NOPCHAP1: variants seen among roughly 807,000 people sequenced by gnomAD.
NOPCHAP1 encodes the protein DNA damage-sensitive RNA 1.
Under a neutral mutation model 14.0 loss-of-function variants are expected in NOPCHAP1, and 13 were observed. That is an observed-to-expected ratio of 0.93 (90% CI 0.60 to 1.47). The LOEUF is 1.47. Ranked by LOEUF, NOPCHAP1 falls within the 40% of genes most tolerant of loss-of-function variation. NOPCHAP1 has a pLI of 0.00. For synonymous variants in NOPCHAP1, 78 were observed against 78.4 expected (o/e 1.00, Z 0.03); for missense variants, 230 against 226.9 (o/e 1.01, Z -0.09).
rs1414224884 is a variant in NOPCHAP1 at position 105,001,382 on chromosome 12, AC to A, written c.*6688del. 6.6e-6 allele frequency: 1 copy of A among 152,224 alleles called. No individual in the cohort carries two copies. The highest frequency in any genetic ancestry group is 1.5e-5 in the Non-Finnish European group (1 of 68,024). The allele number at this position is 152,224 out of a possible 1,614,324, so 9.4% of individuals were successfully genotyped here. ...ATGGTCCAGGAGGCAGTAGAAATGTACCACCTAAAATTTGGATTATCTTTCC... is the reference window on the plus strand; with the variant it reads ...ATGGTCCAGGAGGCAGTAGAAATGTACACCTAAAATTTGGATTATCTTTCC... On this transcript the variant is annotated 3_prime_UTR_variant, in exon 4 of 4. Coordinates refer to ENST00000552951, the MANE Select transcript of NOPCHAP1 (RefSeq NM_152318.3).
intron 3 of NOPCHAP1, among the ~76,000 whole-genome samples, chr12:104,992,652 G>T: frequency 6.6e-6 from 1 of 152,154 alleles, no homozygotes; most frequent in South Asian, 2.1e-4. Context: ...GAAGCAGGTC[G>T]CACAGCAGGA....
rs1873856111 is a variant in NOPCHAP1 at position 105,012,679 on chromosome 12, A to G, written c.*17983A>G. On this transcript the variant is annotated 3_prime_UTR_variant, in exon 4 of 4. Coordinates refer to ENST00000552951, the MANE Select transcript of NOPCHAP1 (RefSeq NM_152318.3). Reference sequence around the variant, plus strand: ...ACCTTTGGGTGGGGTTTCTGTGTGGACGTCCTTTTTGTTGATGTAGATGCT... The same window carrying G: ...ACCTTTGGGTGGGGTTTCTGTGTGGGCGTCCTTTTTGTTGATGTAGATGCT... The G allele has an allele frequency of 6.6e-6, 1 of 151,882 alleles. No individual in the cohort carries two copies. The highest frequency in any genetic ancestry group is 1.5e-5 in the Non-Finnish European group (1 of 68,000). 9.4% of individuals were successfully genotyped at this position (151,882 alleles called of 1,614,324 possible). A position where few individuals can be genotyped will look rare whatever the true frequency, so the allele number is the denominator to read the frequency against.
rs1348541931 is a variant in NOPCHAP1 at position 105,011,494 on chromosome 12, A to T, written c.*16798A>T. ...TTTAATTGGGGCATTTAGTCCATTTACATTTAAGGTTAATATTGTTATGTG... is the reference window on the plus strand; with the variant it reads ...TTTAATTGGGGCATTTAGTCCATTTTCATTTAAGGTTAATATTGTTATGTG... On this transcript the variant is annotated 3_prime_UTR_variant, in exon 4 of 4. Transcript: ENST00000552951. The T allele has an allele frequency of 6.6e-6, 1 of 152,168 alleles. No individual in the cohort carries two copies. The highest frequency in any genetic ancestry group is 1.5e-5 in the Non-Finnish European group (1 of 68,020). 9.4% of individuals were successfully genotyped at this position (152,168 alleles called of 1,614,324 possible).
intron 3 of NOPCHAP1, 97 bp from the exon 4 acceptor site, chr12:104,994,381 A>G (rs1592748838): frequency 1.2e-5 from 14 of 1,125,858 alleles, no homozygotes; most frequent in Middle Eastern, 2.0e-4. Context: ...TTATGTTTCA[A>G]TATGTTTGCT....
rs984247829 is a variant in NOPCHAP1 at position 105,010,668 on chromosome 12, A to G, written c.*15972A>G. 3 of 152,078 alleles carry G rather than the reference A, an allele frequency of 2.0e-5. No individual in the cohort carries two copies. Among genetic ancestry groups the G allele is most frequent in the Non-Finnish European group, 4.4e-5 (3 of 68,022 alleles). 9.4% of individuals were successfully genotyped at this position (152,078 alleles called of 1,614,324 possible). A position where few individuals can be genotyped will look rare whatever the true frequency, so the allele number is the denominator to read the frequency against. ...TTAGCTGTGTCCCAGAGATTCTGGT[A>G]TGTTGTGTCTTTGTTCTCATTGGTT... On this transcript the variant is annotated 3_prime_UTR_variant, in exon 4 of 4. Coordinates refer to ENST00000552951, the MANE Select transcript of NOPCHAP1 (RefSeq NM_152318.3).
intron 2 of NOPCHAP1, among the ~76,000 whole-genome samples, chr12:104,989,750 A>G (rs149105277): frequency 6.6e-6 from 1 of 152,190 alleles, no homozygotes; most frequent in East Asian, 1.9e-4. Flanking sequence ...AATGACACCT[A>G]ATTTTGCCAG....
Position 105,012,191 on chromosome 12 carries a change from A to G in NOPCHAP1, c.*17495A>G. ...TTTCTTGGACGCTTTGTTCCTTTTC[A>G]TTCTTTTTTCTCTAATCTGTCTTCA... On this transcript the variant is annotated 3_prime_UTR_variant, in exon 4 of 4. Coordinates refer to ENST00000552951, the MANE Select transcript of NOPCHAP1 (RefSeq NM_152318.3). The G allele has an allele frequency of 6.6e-6, 1 of 151,810 alleles. No individual in the cohort carries two copies. The highest frequency in any genetic ancestry group is 1.9e-4 in the East Asian group (1 of 5,168). The allele number at this position is 151,810 out of a possible 1,614,324, so 9.4% of individuals were successfully genotyped here. A position where few individuals can be genotyped will look rare whatever the true frequency, so the allele number is the denominator to read the frequency against.
rs1039966874 is a variant in NOPCHAP1 at position 104,995,548 on chromosome 12, G to C, written c.*852G>C. On this transcript the variant is annotated 3_prime_UTR_variant, in exon 4 of 4. Transcript: ENST00000552951. ...TCAGAGGGTGGCTCCTACCCCAGGAGGTCTGGTTGGTCATAAAATAAGATT... is the reference window on the plus strand; with the variant it reads ...TCAGAGGGTGGCTCCTACCCCAGGACGTCTGGTTGGTCATAAAATAAGATT... The C allele has an allele frequency of 6.6e-6, 1 of 152,210 alleles. No homozygotes were observed. Among genetic ancestry groups the C allele is most frequent in the South Asian group, 2.1e-4 (1 of 4,816 alleles). 9.4% of individuals were successfully genotyped at this position (152,210 alleles called of 1,614,324 possible). A position where few individuals can be genotyped will look rare whatever the true frequency, so the allele number is the denominator to read the frequency against.
chr12:104,990,365 A>G (rs1026462354), intron 2 of NOPCHAP1, among the ~76,000 whole-genome samples: 1 of 152,336 alleles, frequency 6.6e-6, no homozygotes, highest in African/African-American at 2.4e-5. Flanking sequence ...CTGTAGCAAT[A>G]TATTTAAATC....
intron 2 of NOPCHAP1, among the ~76,000 whole-genome samples, chr12:104,990,162 G>C (rs1227357104): frequency 6.6e-6 from 1 of 152,006 alleles, no homozygotes; most frequent in African/African-American, 2.4e-5. Flanking sequence ...GAATATTATG[G>C]TGTTGTGTGT....
At position 104,991,725 on chromosome 12, in the gene NOPCHAP1, A is replaced by T. The variant is rs369843659; in HGVS notation, c.216A>T (p.Val72=). The T allele has an allele frequency of 5.7e-5, 92 of 1,612,754 alleles. 1 individual carries two copies. In the African/African-American group the frequency reaches 1.2e-3, roughly 20 times the overall value. Residue 72 remains valine (V), a synonymous_variant, in exon 3 of 4, where the codon GTA becomes GTT. Transcript: ENST00000552951. ...TACTTTCCACAGTATTGGACCAGGT[A>T]CAGACATTTCTCCCACAGATGGCAC... ...RIERSPLLDQ[V]QTFLPQMARA... is the part of the protein sequence containing the mutation.
chr12:105,001,937 T>G lies in NOPCHAP1; in HGVS notation c.*7241T>G, dbSNP rs957017578. ...GAGTTGCTGTTTATCCATGTTTATTTAAAGGTATTATGGGGAGCAGTTTTC... is the reference window on the plus strand; with the variant it reads ...GAGTTGCTGTTTATCCATGTTTATTGAAAGGTATTATGGGGAGCAGTTTTC... On this transcript the variant is annotated 3_prime_UTR_variant, in exon 4 of 4. Coordinates refer to ENST00000552951, the MANE Select transcript of NOPCHAP1 (RefSeq NM_152318.3). The G allele has an allele frequency of 4.6e-5, 7 of 152,188 alleles. No homozygotes were observed. Among genetic ancestry groups the G allele is most frequent in the Non-Finnish European group, 8.8e-5 (6 of 68,012 alleles). The allele number at this position is 152,188 out of a possible 1,614,324, so 9.4% of individuals were successfully genotyped here.
chr12:104,988,127 C>T, intron 1 of NOPCHAP1, 40 bp from the exon 2 acceptor site: 1 of 1,464,484 alleles, frequency 6.8e-7, no homozygotes, highest in Non-Finnish European at 9.5e-7. Context: ...TTTTTTTATG[C>T]TGTAGTAAAT....
Position 104,994,592 on chromosome 12 carries a change from A to T in NOPCHAP1, c.454A>T (p.Ile152Phe). 6.2e-7 allele frequency: 1 copy of T among 1,613,516 alleles called. No individual in the cohort carries two copies. The highest frequency in any genetic ancestry group is 8.5e-7 in the Non-Finnish European group (1 of 1,179,638). ...AGAATCAGAAGACGAAGATGACAGC[A>T]TCCCATCTGAAGTCACCATAGATAA... ...SSESEDEDDSIPSEVTIDNIK... is the reference protein window; with the variant it reads ...SSESEDEDDSFPSEVTIDNIK... The change falls in exon 4 of 4, where the codon ATC becomes TTC. Residue 152 changes from isoleucine to phenylalanine, a missense_variant. Ile to Phe is a conservative substitution (Grantham distance 21, BLOSUM62 0). Coordinates refer to ENST00000552951, the MANE Select transcript of NOPCHAP1 (RefSeq NM_152318.3).
At position 105,007,255 on chromosome 12, in the gene NOPCHAP1, T is replaced by A. The variant is rs995772288; in HGVS notation, c.*12559T>A. The A allele has an allele frequency of 6.6e-6, 1 of 152,202 alleles. No homozygotes were observed. Among genetic ancestry groups the A allele is most frequent in the African/African-American group, 2.4e-5 (1 of 41,450 alleles). 9.4% of individuals were successfully genotyped at this position (152,202 alleles called of 1,614,324 possible). On this transcript the variant is annotated 3_prime_UTR_variant, in exon 4 of 4. Coordinates refer to ENST00000552951, the MANE Select transcript of NOPCHAP1 (RefSeq NM_152318.3). The stretch of plus-strand genomic sequence containing the variant: ...ATAAAAATGTATTTCACAAAAAGAT[T>A]TTTGTGCCCGCTAGCGTAGCTGCAG...
In NOPCHAP1 at chr12:104,997,378, G is replaced by A. The variant is rs1207499669; in HGVS notation, c.*2682G>A. The A allele has an allele frequency of 1.3e-5, 2 of 152,212 alleles. No individual in the cohort carries two copies. Among genetic ancestry groups the A allele is most frequent in the Admixed American group, 6.5e-5 (1 of 15,286 alleles). 9.4% of individuals were successfully genotyped at this position (152,212 alleles called of 1,614,324 possible). A position where few individuals can be genotyped will look rare whatever the true frequency, so the allele number is the denominator to read the frequency against. On this transcript the variant is annotated 3_prime_UTR_variant, in exon 4 of 4. Coordinates refer to ENST00000552951, the MANE Select transcript of NOPCHAP1 (RefSeq NM_152318.3). ...TTTAGTCAGATATGAATTCTTGGTT[G>A]AAAATTATTTTCTTTAAGAATGCTG... is the stretch of plus-strand genomic sequence containing the variant.
chr12:104,992,688 A>G (rs1464907362), intron 3 of NOPCHAP1, among the ~76,000 whole-genome samples: 1 of 152,162 alleles, frequency 6.6e-6, no homozygotes, highest in Non-Finnish European at 1.5e-5. Flanking sequence ...AGAGCGCATT[A>G]CCACCTGAGT....
rs1033941403 is a variant in NOPCHAP1, at chr12:105,008,371, T to C, written c.*13675T>C. 6.6e-6 allele frequency: 1 copy of C among 152,242 alleles called. No individual in the cohort carries two copies. Among genetic ancestry groups the C allele is most frequent in the African/African-American group, 2.4e-5 (1 of 41,464 alleles). 9.4% of individuals were successfully genotyped at this position (152,242 alleles called of 1,614,324 possible). A position where few individuals can be genotyped will look rare whatever the true frequency, so the allele number is the denominator to read the frequency against. ...TAAATTTGTTTAAGTTCTTTGTAGATTATGGATATTAGCTCTTTGTCAGAT... is the reference window on the plus strand; with the variant it reads ...TAAATTTGTTTAAGTTCTTTGTAGACTATGGATATTAGCTCTTTGTCAGAT... On this transcript the variant is annotated 3_prime_UTR_variant, in exon 4 of 4. Coordinates refer to ENST00000552951, the MANE Select transcript of NOPCHAP1 (RefSeq NM_152318.3).
chr12:104,990,952 C>A (rs539189641), intron 2 of NOPCHAP1, among the ~76,000 whole-genome samples: 175 of 152,280 alleles, frequency 1.1e-3, no homozygotes, highest in Non-Finnish European at 2.1e-3. Flanking sequence ...GCCACTCTGT[C>A]TCTTAGTTCT....
Sources: allele counts gnomAD v4.1 joint callset (sites outside exome capture counted in the v4.1 genomes callset), GRCh38; gene constraint gnomAD v4.1.1; transcripts MANE v1.5; gene names NCBI Gene and HGNC (gene_info 2026-07-23, HGNC 2026-07-21).